The following SLX4IP variants were observed in gnomAD, a reference collection of about 807,000 sequenced individuals.
The protein encoded by SLX4IP is SLX4 interacting protein.
SLX4IP carries 34 observed loss-of-function variants against 32.9 expected under a neutral mutation model. The ratio of observed to expected loss-of-function variants is 1.03; its 90% CI spans 0.79 to 1.38. The LOEUF (loss-of-function observed/expected upper bound fraction) is 1.38, where lower values mean the gene tolerates loss of function less well. Ranked by LOEUF, SLX4IP falls within the 40% of genes most tolerant of loss-of-function variation. The pLI is 0.00. For synonymous variants in SLX4IP, 172 were observed against 171.7 expected (o/e 1.00, Z -0.01); for missense variants, 444 against 479.0 (o/e 0.93, Z 0.68).
rs1600943080 is a variant in SLX4IP at position 10,508,922 on chromosome 20, G to A, written c.28-47309G>A. ...CAGACCCTGGGGCCTAACTTGGGGTGTCTGTTAGACATCCCAGCCTGACAT... is the reference window on the plus strand; with the variant it reads ...CAGACCCTGGGGCCTAACTTGGGGTATCTGTTAGACATCCCAGCCTGACAT... On this transcript the variant is annotated intron_variant, in intron 2 of 7. Coordinates refer to ENST00000334534, the MANE Select transcript of SLX4IP (RefSeq NM_001009608.3). Among the ~76,000 whole-genome samples, 4 of 152,186 alleles carry A rather than the reference G, an allele frequency of 2.6e-5. No homozygotes were observed. In the South Asian group the frequency reaches 8.3e-4, roughly 32 times the overall value.
chr20:10,509,842 C>G (rs2065791257), intron 2 of SLX4IP, among the ~76,000 whole-genome samples: 1 of 152,120 alleles, frequency 6.6e-6, no homozygotes, highest in Non-Finnish European at 1.5e-5. Flanking sequence ...GTGTGTACCA[C>G]CATGCCTAAC....
chr20:10,540,245 G>A (rs2066092941), intron 2 of SLX4IP, among the ~76,000 whole-genome samples: 1 of 149,628 alleles, frequency 6.7e-6, no homozygotes, highest in Non-Finnish European at 1.5e-5. Flanking sequence ...ACCTAGCCGA[G>A]CACAAAGCTA....
chr20:10,551,362 G>T (rs186978038), intron 2 of SLX4IP, among the ~76,000 whole-genome samples: 1 of 152,190 alleles, frequency 6.6e-6, no homozygotes, highest in African/African-American at 2.4e-5. Flanking sequence ...GTTCTATGAT[G>T]TATCAGTGCA....
chr20:10,561,193 A>G (rs892765823), intron 4 of SLX4IP, among the ~76,000 whole-genome samples: 4 of 152,204 alleles, frequency 2.6e-5, no homozygotes, highest in African/African-American at 9.7e-5. Flanking sequence ...AGTAATTAGC[A>G]TATCTATCAC....
At chr20:10,546,782 C>T (rs2066166594) in intron 2 of SLX4IP, among the ~76,000 whole-genome samples, 1 of 152,200 alleles carries the variant, frequency 6.6e-6, no homozygotes, top group South Asian at 2.1e-4. Context: ...CTCATTGCCA[C>T]ACCTGCTGTG....
At chr20:10,591,253 T>G (rs2066705922) in intron 4 of SLX4IP, among the ~76,000 whole-genome samples, 1 of 152,228 alleles carries the variant, frequency 6.6e-6, no homozygotes. Context: ...GTGTTGTTTT[T>G]AAAAGATGGT....
chr20:10,551,553 G>A (rs1046398521), intron 2 of SLX4IP, among the ~76,000 whole-genome samples: 3 of 152,120 alleles, frequency 2.0e-5, no homozygotes, highest in African/African-American at 7.2e-5. Context: ...GGTCACTGGG[G>A]ATGCAAGATT....
At chr20:10,577,528 C>T (rs1233947801) in intron 4 of SLX4IP, among the ~76,000 whole-genome samples, 1 of 151,942 alleles carries the variant, frequency 6.6e-6, no homozygotes, top group Non-Finnish European at 1.5e-5. Flanking sequence ...TCTACCTGGG[C>T]AACATAACAA....
intron 1 of SLX4IP, among the ~76,000 whole-genome samples, chr20:10,438,820 G>C (rs1013453274): frequency 1.8e-4 from 27 of 151,698 alleles, no homozygotes; most frequent in Admixed American, 1.4e-3. Flanking sequence ...GTGCTTTTTG[G>C]GGGGTACGGG....
chr20:10,515,306 A>T (rs896129037), intron 2 of SLX4IP, among the ~76,000 whole-genome samples: 2 of 151,982 alleles, frequency 1.3e-5, no homozygotes, highest in Non-Finnish European at 2.9e-5. Flanking sequence ...GCTGTTCTCG[A>T]ACTCCTGATC....
chr20:10,569,370 G>A (rs1048415125), intron 4 of SLX4IP, among the ~76,000 whole-genome samples: 1 of 152,040 alleles, frequency 6.6e-6, no homozygotes, highest in Non-Finnish European at 1.5e-5. Flanking sequence ...ATTTTTAGTA[G>A]AGATGGGGTT....
At chr20:10,479,352 C>CTTTT (rs764474218) in intron 2 of SLX4IP, among the ~76,000 whole-genome samples, 10 of 73,722 alleles carry the variant, frequency 1.4e-4, no homozygotes, top group African/African-American at 2.0e-4. Flanking sequence ...TTCCATATTT[C>CTTTT]TTTTTTTTTT....
intron 5 of SLX4IP, among the ~76,000 whole-genome samples, chr20:10,600,326 G>C (rs2066826577): frequency 6.6e-6 from 1 of 152,184 alleles, no homozygotes; most frequent in Non-Finnish European, 1.5e-5. Flanking sequence ...TTGGGAGTGA[G>C]ACCAGAACAA....
intron 2 of SLX4IP, among the ~76,000 whole-genome samples, chr20:10,479,238 G>C (rs1210202871): frequency 6.6e-6 from 1 of 151,988 alleles, no homozygotes; most frequent in Non-Finnish European, 1.5e-5. Context: ...ATGAAAATCT[G>C]TATTGTATAA....
At chr20:10,597,814 G>A (rs77656986) in intron 4 of SLX4IP, among the ~76,000 whole-genome samples, 3,606 of 152,192 alleles carry the variant, frequency 0.024, 94 homozygotes, top group Admixed American at 0.085. Context: ...TGCCAGCAGC[G>A]TATGAGAATT....
chr20:10,513,224 CT>C (rs1393521483), intron 2 of SLX4IP, among the ~76,000 whole-genome samples: 11 of 152,066 alleles, frequency 7.2e-5, no homozygotes, highest in Non-Finnish European at 1.6e-4. Context: ...GAAACAGCTG[CT>C]AACCCCAGGA....
rs370755830 is a variant in SLX4IP, at chr20:10,609,792, T to G, written c.405+7973T>G. 8.5e-5 allele frequency among the ~76,000 whole-genome samples: 13 copies of G among 152,316 alleles called. 1 individual carries two copies. The East Asian group carries it at 2.3e-3, about 27-fold the overall frequency. On this transcript the variant is annotated intron_variant, in intron 6 of 7. Transcript: ENST00000334534. Reference sequence around the variant, plus strand: ...ACAGGCCTTTGTCAGAGAAGGCATTTTTTTTTAACAAGAAGACCTCCTAAA... The same window carrying G: ...ACAGGCCTTTGTCAGAGAAGGCATTGTTTTTTAACAAGAAGACCTCCTAAA...
chr20:10,511,714 C>T (rs2065809247), intron 2 of SLX4IP, among the ~76,000 whole-genome samples: 1 of 152,202 alleles, frequency 6.6e-6, no homozygotes, highest in African/African-American at 2.4e-5. Context: ...AGTTAGGTGG[C>T]CAGACTGAGA....
At chr20:10,480,341 A>G (rs1261895067) in intron 2 of SLX4IP, among the ~76,000 whole-genome samples, 1 of 151,948 alleles carries the variant, frequency 6.6e-6, no homozygotes, top group Non-Finnish European at 1.5e-5. Context: ...TTGAGGCTGC[A>G]GTGAGTTGTG....
Sources: gnomAD v4.1 joint callset for allele counts (sites outside exome capture counted in the v4.1 genomes callset) on GRCh38, gnomAD v4.1.1 for gene constraint, MANE v1.5 for transcripts, NCBI Gene and HGNC (gene_info 2026-07-23, HGNC 2026-07-21) for gene names.